VWF: variants seen among roughly 807,000 people sequenced by gnomAD.
VWF encodes von Willebrand factor.
A neutral mutation model predicts 308.6 loss-of-function variants in VWF; 176 were observed. That is an observed-to-expected ratio of 0.57 (90% CI 0.50 to 0.65). The LOEUF is 0.65. Among genes scored for constraint, VWF ranks in the 30% least tolerant of loss-of-function variants. The pLI, the probability that VWF is intolerant of heterozygous loss-of-function variation, is 0.00. For missense variants in VWF, 3,146 were observed against 3,648.2 expected (o/e 0.86, Z 3.55); for synonymous variants, 1,385 against 1,443.4 (o/e 0.96, Z 0.92).
chr12:5,953,974 G>T, intron 47 of VWF: 1 of 237,004 alleles, frequency 4.2e-6, no homozygotes, highest in African/African-American at 2.3e-5. Flanking sequence ...TTTGGTAAGT[G>T]GCGTTAATCA....
At chr12:6,054,727 C>A (rs550582705) in intron 15 of VWF, among the ~76,000 whole-genome samples, 1 of 152,302 alleles carries the variant, frequency 6.6e-6, no homozygotes, top group South Asian at 2.1e-4. Context: ...CTCCTCACAC[C>A]ATCCCACAAA....
In VWF at chr12:5,949,012, G is replaced by C; in HGVS notation, c.*3C>G. ...AGCAGGCACCCATGCAGCTGCAGCA[G>C]CCTCACTTGCTGCACTTCCTGGGGG... On this transcript the variant is annotated 3_prime_UTR_variant, in exon 52 of 52. Transcript: ENST00000261405. 1 of 1,611,812 alleles carries C rather than the reference G, an allele frequency of 6.2e-7. No homozygotes were observed. The highest frequency in any genetic ancestry group is 1.1e-5 in the South Asian group (1 of 90,608).
rs751028513 is a variant in VWF, at chr12:6,044,467, A to G, written c.2282-16T>C. On this transcript the variant is annotated splice_polypyrimidine_tract_variant and intron_variant, in intron 17 of 51. Coordinates refer to ENST00000261405, the MANE Select transcript of VWF (RefSeq NM_000552.5). ...CTCCTTTTGCCTCGAAGGTAGGAAA[A>G]GCAAAGAGATGATTAGTGAAGGAGA... is the stretch of plus-strand genomic sequence containing the variant. The G allele has an allele frequency of 1.9e-6, 3 of 1,613,528 alleles. No homozygotes were observed. Among genetic ancestry groups the G allele is most frequent in the Non-Finnish European group, 1.7e-6 (2 of 1,179,784 alleles).
chr12:6,106,035 C>T (rs1020913151), intron 5 of VWF, among the ~76,000 whole-genome samples: 1 of 152,014 alleles, frequency 6.6e-6, no homozygotes, highest in African/African-American at 2.4e-5. Flanking sequence ...GAGGGAAACT[C>T]CATCTCAAAA....
At chr12:6,004,601 T>C (rs1240215445) in intron 34 of VWF, among the ~76,000 whole-genome samples, 1 of 151,872 alleles carries the variant, frequency 6.6e-6, no homozygotes, top group African/African-American at 2.4e-5. Context: ...TATTTGCAAA[T>C]GACAAACCAT....
At chr12:6,056,603 C>T (rs1944581286) in intron 15 of VWF, among the ~76,000 whole-genome samples, 1 of 152,172 alleles carries the variant, frequency 6.6e-6, no homozygotes, top group South Asian at 2.1e-4. Flanking sequence ...CCCCCACGTT[C>T]TAGGCCTCCA....
At chr12:6,005,822 A>G (rs1943919278) in intron 34 of VWF, among the ~76,000 whole-genome samples, 1 of 152,240 alleles carries the variant, frequency 6.6e-6, no homozygotes, top group South Asian at 2.1e-4. Flanking sequence ...AAAAGCTGAA[A>G]GAGTTCATCA....
chr12:6,085,951 G>A (rs1944966777), intron 6 of VWF, among the ~76,000 whole-genome samples: 1 of 152,138 alleles, frequency 6.6e-6, no homozygotes, highest in Non-Finnish European at 1.5e-5. Flanking sequence ...AAAACCCCAT[G>A]GTAGCCACTG....
intron 6 of VWF, among the ~76,000 whole-genome samples, chr12:6,083,714 A>AC (rs1365571929): frequency 6.6e-6 from 1 of 152,070 alleles, no homozygotes; most frequent in Non-Finnish European, 1.5e-5. Flanking sequence ...TCAATTTCCC[A>AC]CCCCCACGGG....
intron 47 of VWF, among the ~76,000 whole-genome samples, chr12:5,956,934 G>A (rs184105065): frequency 1.7e-3 from 258 of 152,120 alleles, no homozygotes; most frequent in Admixed American, 3.8e-3. Flanking sequence ...CTAGGTCTTC[G>A]CATTGACCCA....
At chr12:5,965,376 G>A (rs138652200) in intron 47 of VWF, among the ~76,000 whole-genome samples, 331 of 152,124 alleles carry the variant, frequency 2.2e-3, no homozygotes, top group Admixed American at 5.5e-3. Context: ...TTCTCACCCC[G>A]GCTTCTGGCT....
chr12:6,029,403 G>T lies in VWF; in HGVS notation c.2906C>A (p.Ala969Asp). ...GRYIILLLGK[A>D]LSVVWDRHLS... ...GTGGCGGTCCCAGACCACGGAGAGG[G>T]CTTTGCCCAGCAGCAGAATGATGTA... is the stretch of plus-strand genomic sequence containing the variant. The change falls in exon 22 of 52, where the codon GCC becomes GAC. Residue 969 changes from alanine to aspartate, a missense_variant. This residue lies in a region of VWF where 1,304 missense variants were observed against 1,353.0 expected (regional missense o/e 0.96). Coordinates refer to ENST00000261405, the MANE Select transcript of VWF (RefSeq NM_000552.5). 6.2e-7 allele frequency: 1 copy of T among 1,614,106 alleles called. No individual in the cohort carries two copies. The highest frequency in any genetic ancestry group is 2.2e-5 in the East Asian group (1 of 44,868).
At chr12:5,970,915 G>A (rs1943465599) in intron 44 of VWF, among the ~76,000 whole-genome samples, 1 of 152,202 alleles carries the variant, frequency 6.6e-6, no homozygotes, top group Non-Finnish European at 1.5e-5. Context: ...CCTAGCATCT[G>A]GACTAAAACC....
chr12:6,012,014 A>C, intron 33 of VWF, 73 bp downstream of exon 33: 2 of 1,574,680 alleles, frequency 1.3e-6, no homozygotes, highest in Non-Finnish European at 1.7e-6. Flanking sequence ...AAGGAGGAAA[A>C]ATTAACCAGT....
chr12:6,110,313 T>C (rs551666815), intron 5 of VWF, 61 bp downstream of exon 5: 47 of 1,567,400 alleles, frequency 3.0e-5, no homozygotes, highest in Non-Finnish European at 3.6e-5. Context: ...TGAAGGTTTA[T>C]GAGCAAGGAA....
intron 18 of VWF, among the ~76,000 whole-genome samples, chr12:6,041,521 T>C (rs1944395814): frequency 1.3e-5 from 2 of 151,896 alleles, no homozygotes; most frequent in Non-Finnish European, 2.9e-5. Context: ...CAATCTCAGC[T>C]CACTGCAACC....
intron 5 of VWF, among the ~76,000 whole-genome samples, chr12:6,099,950 C>T (rs7294888): frequency 0.095 from 14,298 of 150,692 alleles, 2,227 homozygotes; most frequent in African/African-American, 0.33. Context: ...TCAGAGTGAA[C>T]AGGCAACCTA....
chr12:6,007,643 C>A (rs1339329409), intron 34 of VWF, among the ~76,000 whole-genome samples: 1 of 151,804 alleles, frequency 6.6e-6, no homozygotes, highest in Non-Finnish European at 1.5e-5. Context: ...CCTAATTTTA[C>A]AATGTAAGAA....
At position 6,046,966 on chromosome 12, in the gene VWF, T is replaced by A. The variant is rs556606701; in HGVS notation, c.2187-149A>T. On this transcript the variant is annotated intron_variant, in intron 16 of 51. Transcript: ENST00000261405. The surrounding 1 kb of genome is among the most constrained non-coding windows in gnomAD (Gnocchi z 5.0). The stretch of plus-strand genomic sequence containing the variant: ...AAGCACAGCTTGCTAACGTTACCAA[T>A]GGATGATCCCCACGTCACTAAATCC... The A allele has an allele frequency of 2.8e-6, 2 of 726,728 alleles. No individual in the cohort carries two copies. The highest frequency in any genetic ancestry group is 4.9e-6 in the Non-Finnish European group (2 of 407,968). The allele number at this position is 726,728 out of a possible 1,614,324, so 45.0% of individuals were successfully genotyped here. A position where few individuals can be genotyped will look rare whatever the true frequency, so the allele number is the denominator to read the frequency against.
Sources: gnomAD v4.1 joint callset for allele counts (sites outside exome capture counted in the v4.1 genomes callset) on GRCh38, gnomAD v4.1.1 for gene constraint, gnomAD v4.1.1 regional missense constraint, Gnocchi (gnomAD v3.1) non-coding constraint, MANE v1.5 for transcripts, NCBI Gene and HGNC (gene_info 2026-07-23, HGNC 2026-07-21) for gene names.